The following PPFIA2 variants were observed in gnomAD, a reference collection of about 807,000 sequenced individuals.
The protein encoded by PPFIA2 is liprin-alpha-2.
PPFIA2 carries 46 observed loss-of-function variants against 175.5 expected under a neutral mutation model. The observed-to-expected ratio is 0.26, with a 90% CI of 0.21 to 0.34. PPFIA2 has a LOEUF of 0.34. Ranked by LOEUF, PPFIA2 falls within the 10% of genes least tolerant of loss-of-function variation. The pLI, the probability that PPFIA2 is intolerant of heterozygous loss-of-function variation, is 1.00. For synonymous variants in PPFIA2, 568 were observed against 511.4 expected, an observed-to-expected ratio of 1.11 and a Z score of -1.49; for missense variants, 1,179 against 1,506.1, an observed-to-expected ratio of 0.78 and a Z score of 3.60.
chr12:81,467,897 G>A (rs975324450), intron 4 of PPFIA2, among the ~76,000 whole-genome samples: 3 of 152,094 alleles, frequency 2.0e-5, no homozygotes, highest in African/African-American at 7.2e-5. Context: ...GCTCCCTATT[G>A]AATGAAGCTC....
chr12:81,690,939 T>C (rs1245580235), intron 3 of PPFIA2, among the ~76,000 whole-genome samples: 1 of 152,100 alleles, frequency 6.6e-6, no homozygotes, highest in Non-Finnish European at 1.5e-5. Flanking sequence ...ACACTAACCC[T>C]TTTGCCTCCT....
At chr12:81,309,213 CTTA>C (rs2050103511) in intron 22 of PPFIA2, among the ~76,000 whole-genome samples, 1 of 152,038 alleles carries the variant, frequency 6.6e-6, no homozygotes, top group African/African-American at 2.4e-5. Context: ...AAAGAATGGA[CTTA>C]TTATTCAGGA....
chr12:81,414,305 T>A (rs1271686546), intron 7 of PPFIA2, among the ~76,000 whole-genome samples: 1 of 151,738 alleles, frequency 6.6e-6, no homozygotes, highest in Non-Finnish European at 1.5e-5. Flanking sequence ...CTGACCTGCG[T>A]TGGCAAACAA....
At chr12:81,600,682 A>G (rs557361261) in intron 4 of PPFIA2, among the ~76,000 whole-genome samples, 2 of 152,118 alleles carry the variant, frequency 1.3e-5, no homozygotes, top group South Asian at 2.1e-4. Flanking sequence ...AATAAGTTAT[A>G]TATGTGAAAT....
rs894503906 is a variant in PPFIA2 at position 81,716,948 on chromosome 12, G to GA, written c.249+37024dup. On this transcript the variant is annotated intron_variant, in intron 3 of 32. Transcript: ENST00000549396. ...AGATTTTTCTGAATAGAATAAGTCA[G>GA]AAAAAAAAAATGACAAGGTATGGCA... is the stretch of plus-strand genomic sequence containing the variant. Among the ~76,000 whole-genome samples the GA allele has an allele frequency of 1.4e-3, 199 of 146,732 alleles. 1 individual carries two copies. Among genetic ancestry groups the GA allele is most frequent in the African/African-American group, 3.8e-3 (153 of 40,168 alleles).
At chr12:81,725,634 G>T (rs1381596762) in intron 3 of PPFIA2, among the ~76,000 whole-genome samples, 1 of 150,414 alleles carries the variant, frequency 6.6e-6, no homozygotes, top group Non-Finnish European at 1.5e-5. Flanking sequence ...AGAGAAAGTA[G>T]AATAAAGTAT....
intron 4 of PPFIA2, among the ~76,000 whole-genome samples, chr12:81,638,845 G>A (rs868627676): frequency 6.7e-6 from 1 of 150,066 alleles, no homozygotes. Context: ...CCGCCACTAC[G>A]CCCGGCTAAT....
intron 8 of PPFIA2, among the ~76,000 whole-genome samples, chr12:81,393,110 T>C (rs1056842038): frequency 3.9e-5 from 6 of 152,036 alleles, no homozygotes; most frequent in Admixed American, 1.3e-4. Flanking sequence ...CCTGTTACAT[T>C]GCAGTTAAGT....
At chr12:81,277,876 T>C (rs769904936) in intron 27 of PPFIA2, among the ~76,000 whole-genome samples, 88 of 152,216 alleles carry the variant, frequency 5.8e-4, no homozygotes, top group African/African-American at 2.0e-3. Context: ...AATACTAAAA[T>C]GAGTAGCTCA....
chr12:81,453,661 T>G (rs1429925894), intron 5 of PPFIA2, among the ~76,000 whole-genome samples: 1 of 152,114 alleles, frequency 6.6e-6, no homozygotes, highest in Non-Finnish European at 1.5e-5. Flanking sequence ...AATTTCTATT[T>G]TTGTATAATT....
chr12:81,500,012 C>A (rs1287540971), intron 4 of PPFIA2, among the ~76,000 whole-genome samples: 3 of 152,096 alleles, frequency 2.0e-5, no homozygotes, highest in Non-Finnish European at 4.4e-5. Flanking sequence ...CATGCACTGA[C>A]AACTACTTCA....
chr12:81,565,825 A>C (rs891582826), intron 4 of PPFIA2, among the ~76,000 whole-genome samples: 6 of 152,186 alleles, frequency 3.9e-5, no homozygotes, highest in Non-Finnish European at 7.3e-5. Flanking sequence ...TGCCCCCCAA[A>C]AATGTCATGG....
At chr12:81,403,867 A>C (rs1044177203) in intron 8 of PPFIA2, among the ~76,000 whole-genome samples, 1 of 152,182 alleles carries the variant, frequency 6.6e-6, no homozygotes, top group Non-Finnish European at 1.5e-5. Context: ...GAAGCATGCC[A>C]GTGTATAAAA....
At chr12:81,266,823 G>T in intron 30 of PPFIA2, 129 bp downstream of exon 30, 1 of 707,984 alleles carries the variant, frequency 1.4e-6, no homozygotes, top group Non-Finnish European at 2.4e-6. Flanking sequence ...CAAACCTGGA[G>T]AAAATTATTG....
intron 4 of PPFIA2, among the ~76,000 whole-genome samples, chr12:81,637,561 T>C (rs1016641295): frequency 1.3e-5 from 2 of 152,092 alleles, no homozygotes; most frequent in Admixed American, 6.6e-5. Context: ...AAATAATCTT[T>C]CAGAACTTAC....
At chr12:81,560,533 T>C (rs1348540473) in intron 4 of PPFIA2, among the ~76,000 whole-genome samples, 1 of 152,162 alleles carries the variant, frequency 6.6e-6, no homozygotes, top group Non-Finnish European at 1.5e-5. Context: ...TGGATTGACT[T>C]ATTTAATAAA....
intron 4 of PPFIA2, among the ~76,000 whole-genome samples, chr12:81,519,579 C>T (rs1413400360): frequency 6.6e-6 from 1 of 152,152 alleles, no homozygotes; most frequent in African/African-American, 2.4e-5. Flanking sequence ...ACAGTGATGT[C>T]GCTTCCGCTA....
At chr12:81,396,276 T>C in intron 8 of PPFIA2, among the ~76,000 whole-genome samples, 1 of 152,208 alleles carries the variant, frequency 6.6e-6, no homozygotes, top group Non-Finnish European at 1.5e-5. Context: ...GGATCCTAAC[T>C]TTTATGGAGG....
chr12:81,710,514 C>G (rs2077755176), intron 3 of PPFIA2, among the ~76,000 whole-genome samples: 1 of 151,850 alleles, frequency 6.6e-6, no homozygotes, highest in Non-Finnish European at 1.5e-5. Flanking sequence ...ATAATACATG[C>G]AGGTATAAAT....
Sources: allele counts gnomAD v4.1 joint callset (sites outside exome capture counted in the v4.1 genomes callset), GRCh38; gene constraint gnomAD v4.1.1; transcripts MANE v1.5; gene names NCBI Gene and HGNC (gene_info 2026-07-23, HGNC 2026-07-21).